DSN1: variants seen among roughly 807,000 people sequenced by gnomAD.
DSN1 encodes the protein kinetochore-associated protein DSN1 homolog.
In DSN1, 31 loss-of-function variants were observed where a neutral mutation model predicts 45.7. The observed-to-expected ratio is 0.68, with a 90% confidence interval of 0.51 to 0.92. The LOEUF (loss-of-function observed/expected upper bound fraction) is 0.92, where lower values mean the gene tolerates loss of function less well. Among genes scored for constraint, DSN1 ranks in the 40% least tolerant of loss-of-function variants. The pLI is 0.00. For synonymous variants in DSN1, 134 were observed against 142.3 expected (o/e 0.94, Z 0.41); for missense variants, 394 against 414.2 (o/e 0.95, Z 0.42).
chr20:36,758,438 T>C (rs1297284206), intron 7 of DSN1, 120 bp downstream of exon 7: 1 of 834,532 alleles, frequency 1.2e-6, no homozygotes, highest in Non-Finnish European at 1.9e-6. Context: ...TTCTAACTTC[T>C]AGTATTGATG....
intron 6 of DSN1, among the ~76,000 whole-genome samples, chr20:36,760,177 G>A (rs1986898115): frequency 6.6e-6 from 1 of 151,934 alleles, no homozygotes; most frequent in Admixed American, 6.6e-5. Flanking sequence ...CCAGGAGGTG[G>A]AGGTTGCAGT....
intron 1 of DSN1, 56 bp downstream of exon 1, chr20:36,773,606 C>T: frequency 1.0e-6 from 1 of 985,720 alleles, no homozygotes; most frequent in Non-Finnish European, 1.2e-6. Context: ...GGCGGGGCCA[C>T]ATCAGAGGAC....
At chr20:36,758,253 G>T (rs1986781687) in intron 7 of DSN1, 92 bp from the exon 8 acceptor site, 1 of 1,243,234 alleles carries the variant, frequency 8.0e-7, no homozygotes, top group Non-Finnish European at 1.2e-6. Flanking sequence ...TGTACAATCT[G>T]GATGTAAAAT....
Position 36,771,407 on chromosome 20 carries a change from T to C in DSN1, c.34+18A>G. 1 of 1,612,030 alleles carries C rather than the reference T, an allele frequency of 6.2e-7. No individual in the cohort carries two copies. ...TGAACCCAAGGTAAGAGGTACTGAATTTCACTACAATACTTACCATCTATG... is the reference window on the plus strand; with the variant it reads ...TGAACCCAAGGTAAGAGGTACTGAACTTCACTACAATACTTACCATCTATG... On this transcript the variant is annotated intron_variant, in intron 2 of 10. Transcript: ENST00000373750.
At chr20:36,769,153 A>G (rs1192184571) in intron 3 of DSN1, among the ~76,000 whole-genome samples, 1 of 152,176 alleles carries the variant, frequency 6.6e-6, no homozygotes, top group Non-Finnish European at 1.5e-5. Context: ...TCCCTAACCA[A>G]TCGCAAGATG....
intron 1 of DSN1, chr20:36,773,322 C>G: frequency 1.0e-6 from 1 of 966,852 alleles, no homozygotes; most frequent in Non-Finnish European, 1.2e-6. Context: ...AAAAGCCTGG[C>G]CCAAGCTTGT....
intron 5 of DSN1, among the ~76,000 whole-genome samples, chr20:36,765,046 T>C (rs888127046): frequency 3.3e-5 from 5 of 151,908 alleles, no homozygotes; most frequent in African/African-American, 9.7e-5. Flanking sequence ...ACCTATCATA[T>C]AGTAAGAAAA....
chr20:36,755,933 G>A (rs966709549), intron 8 of DSN1, 104 bp from the exon 9 acceptor site: 11 of 1,303,356 alleles, frequency 8.4e-6, no homozygotes, highest in South Asian at 2.9e-5. Flanking sequence ...TCCACTCTAC[G>A]CTAGCTATAG....
In DSN1 at chr20:36,770,955, G is replaced by A. The variant is rs1987612972; in HGVS notation, c.273C>T (p.Asp91=). Reference sequence around the variant, plus strand: ...TTGCTCGCCGCCAGGATTGCCTCCTGTCTTGATAACTGGCAGATTGTTCTT... The same window carrying A: ...TTGCTCGCCGCCAGGATTGCCTCCTATCTTGATAACTGGCAGATTGTTCTT... ...SPQEQSASYQ[D]RRQSWRRASM... is the part of the protein sequence containing the mutation. The change falls in exon 3 of 11, where the codon GAC becomes GAT. Residue 91 remains aspartate, a synonymous_variant. Coordinates refer to ENST00000373750, the MANE Select transcript of DSN1 (RefSeq NM_001145315.2). 1 of 1,614,188 alleles carries A rather than the reference G, an allele frequency of 6.2e-7. No homozygotes were observed. The highest frequency in any genetic ancestry group is 1.3e-5 in the African/African-American group (1 of 75,048).
intron 8 of DSN1, among the ~76,000 whole-genome samples, chr20:36,757,509 G>A (rs537468884): frequency 2.3e-4 from 35 of 152,214 alleles, no homozygotes; most frequent in African/African-American, 8.2e-4. Context: ...AACCCGGGAG[G>A]CAGAGTGAGC....
intron 6 of DSN1, among the ~76,000 whole-genome samples, chr20:36,762,158 G>C (rs1028292012): frequency 4.3e-5 from 6 of 138,112 alleles, no homozygotes; most frequent in African/African-American, 1.7e-4. Flanking sequence ...CCAGGCTGGA[G>C]TGCAGGGGCG....
chr20:36,768,316 T>C (rs1987459980), intron 3 of DSN1, among the ~76,000 whole-genome samples: 1 of 152,058 alleles, frequency 6.6e-6, no homozygotes, highest in East Asian at 1.9e-4. Flanking sequence ...GGCCGAGGCA[T>C]GGGATCACTT....
intron 6 of DSN1, 33 bp downstream of exon 6, chr20:36,762,428 C>A (rs1254842774): frequency 6.3e-7 from 1 of 1,588,994 alleles, no homozygotes; most frequent in Non-Finnish European, 8.6e-7. Context: ...CTAATTCAAT[C>A]ATAATTTAGG....
intron 10 of DSN1, among the ~76,000 whole-genome samples, chr20:36,754,350 A>G (rs1406231993): frequency 6.6e-6 from 1 of 151,794 alleles, no homozygotes; most frequent in Non-Finnish European, 1.5e-5. Flanking sequence ...CCCCAGCCCA[A>G]AAAAAAAGTA....
intron 4 of DSN1, among the ~76,000 whole-genome samples, chr20:36,767,709 C>T (rs747553470): frequency 2.6e-5 from 4 of 152,164 alleles, no homozygotes; most frequent in African/African-American, 9.7e-5. Context: ...CGAGACAATT[C>T]TGGCAGACAT....
chr20:36,761,767 AG>A, intron 6 of DSN1, among the ~76,000 whole-genome samples: 1 of 152,188 alleles, frequency 6.6e-6, no homozygotes, highest in South Asian at 2.1e-4. Context: ...GAGGCTAAGT[AG>A]GGCGAATTAC....
chr20:36,773,332 T>A, intron 1 of DSN1: 2 of 976,100 alleles, frequency 2.0e-6, no homozygotes, highest in Non-Finnish European at 2.4e-6. Flanking sequence ...CCCAAGCTTG[T>A]GACACAGCCA....
intron 1 of DSN1, chr20:36,773,343 G>A: frequency 1.0e-6 from 1 of 981,526 alleles, no homozygotes; most frequent in Non-Finnish European, 1.2e-6. Flanking sequence ...GACACAGCCA[G>A]CCTGGGGGCA....
At chr20:36,752,964 T>G in intron 10 of DSN1, 67 bp from the exon 11 acceptor site, 1 of 1,298,658 alleles carries the variant, frequency 7.7e-7, no homozygotes, top group Non-Finnish European at 1.1e-6. Context: ...GAAAACTTAA[T>G]GTAGGGACAT....
Sources: allele counts gnomAD v4.1 joint callset (sites outside exome capture counted in the v4.1 genomes callset), GRCh38; gene constraint gnomAD v4.1.1; transcripts MANE v1.5; gene names NCBI Gene and HGNC (gene_info 2026-07-23, HGNC 2026-07-21).